Variants in USH2A observed in about 807,000 individuals in gnomAD.
The protein encoded by USH2A is usherin.
USH2A carries 443 observed loss-of-function variants against 538.9 expected under a neutral mutation model. The observed-to-expected ratio is 0.82, with a 90% CI of 0.76 to 0.89. USH2A has a LOEUF of 0.89. Among genes scored for constraint, USH2A ranks in the 40% least tolerant of loss-of-function variants. The pLI, the probability that USH2A is intolerant of heterozygous loss-of-function variation, is 0.00. For missense variants in USH2A, 6,633 were observed against 6,324.8 expected (o/e 1.05, Z -1.65); for synonymous variants, 2,413 against 2,273.5 (o/e 1.06, Z -1.75).
chr1:215,641,570 A>ATCT (rs1462699090), intron 67 of USH2A, among the ~76,000 whole-genome samples: 22 of 152,222 alleles, frequency 1.4e-4, no homozygotes, highest in Admixed American at 1.2e-3. Flanking sequence ...ATACCATGTC[A>ATCT]TCTTGTCAAG....
intron 3 of USH2A, among the ~76,000 whole-genome samples, chr1:216,410,676 T>A (rs1022178148): frequency 6.6e-6 from 1 of 152,122 alleles, no homozygotes; most frequent in Non-Finnish European, 1.5e-5. Flanking sequence ...GTGCTCCACA[T>A]CCAAAATCTG....
chr1:215,996,285 T>C (rs1340576133), intron 34 of USH2A, among the ~76,000 whole-genome samples: 1 of 152,046 alleles, frequency 6.6e-6, no homozygotes, highest in East Asian at 1.9e-4. Context: ...CAACATATTT[T>C]AAAGCACGAA....
chr1:215,836,553 A>T (rs1157649575), intron 47 of USH2A, among the ~76,000 whole-genome samples: 1 of 17,554 alleles, frequency 5.7e-5, no homozygotes, highest in African/African-American at 2.6e-4. Flanking sequence ...ATATATATAT[A>T]TATATATATA....
chr1:215,851,297 T>C (rs1409910637), intron 44 of USH2A, among the ~76,000 whole-genome samples: 4 of 151,990 alleles, frequency 2.6e-5, no homozygotes, highest in East Asian at 3.9e-4. Context: ...TGACAGACCA[T>C]GTAGGAAGAT....
At chr1:215,974,652 CT>C (rs1667580242) in intron 35 of USH2A, among the ~76,000 whole-genome samples, 1 of 152,156 alleles carries the variant, frequency 6.6e-6, no homozygotes, top group Non-Finnish European at 1.5e-5. Flanking sequence ...ATAGATGTTG[CT>C]GCAAAAGACA....
intron 34 of USH2A, among the ~76,000 whole-genome samples, chr1:215,996,757 C>T (rs961362762): frequency 3.3e-5 from 5 of 151,628 alleles, no homozygotes; most frequent in African/African-American, 1.2e-4. Flanking sequence ...TCCAATAGGC[C>T]CTGTGCTTGA....
chr1:216,191,276 T>C (rs1206231281), intron 19 of USH2A, among the ~76,000 whole-genome samples: 1 of 152,026 alleles, frequency 6.6e-6, no homozygotes, highest in Non-Finnish European at 1.5e-5. Context: ...CTTCCATAAA[T>C]ATAAATACAG....
chr1:216,085,036 T>A, intron 24 of USH2A, 159 bp from the exon 25 acceptor site: 1 of 678,972 alleles, frequency 1.5e-6, no homozygotes, highest in South Asian at 1.8e-5. Flanking sequence ...CACCATCAGC[T>A]ATAGTAAATG....
intron 30 of USH2A, among the ~76,000 whole-genome samples, chr1:216,055,788 G>T (rs2030956175): frequency 2.6e-5 from 4 of 152,162 alleles, no homozygotes; most frequent in Non-Finnish European, 5.9e-5. Context: ...AAGTCAATTT[G>T]CATTTTACCC....
intron 58 of USH2A, among the ~76,000 whole-genome samples, chr1:215,755,130 T>G (rs1660750375): frequency 6.6e-6 from 1 of 152,186 alleles, no homozygotes. Context: ...TGGTAGCACA[T>G]CAAAGTCATA....
chr1:216,384,759 G>A (rs2038977325), intron 3 of USH2A, among the ~76,000 whole-genome samples: 1 of 151,970 alleles, frequency 6.6e-6, no homozygotes, highest in Admixed American at 6.6e-5. Context: ...TAGGTGTCTG[G>A]TGGCAACAGA....
intron 60 of USH2A, among the ~76,000 whole-genome samples, chr1:215,732,223 C>T (rs889011673): frequency 6.6e-6 from 1 of 152,142 alleles, no homozygotes; most frequent in Non-Finnish European, 1.5e-5. Flanking sequence ...AAGGTTGAAT[C>T]GTCAAGTTTT....
chr1:215,873,740 T>A (rs1320925216), intron 43 of USH2A, among the ~76,000 whole-genome samples: 7 of 150,950 alleles, frequency 4.6e-5, no homozygotes, highest in African/African-American at 1.7e-4. Context: ...TTAATTTAAA[T>A]GTAATACAAT....
At chr1:215,644,218 G>C (rs1656777764) in intron 67 of USH2A, among the ~76,000 whole-genome samples, 1 of 152,222 alleles carries the variant, frequency 6.6e-6, no homozygotes, top group Non-Finnish European at 1.5e-5. Context: ...GATGAAAATG[G>C]AGAAAGTGAG....
chr1:215,875,957 T>C (rs1664756826), intron 43 of USH2A, among the ~76,000 whole-genome samples: 1 of 145,294 alleles, frequency 6.9e-6, no homozygotes, highest in African/African-American at 2.5e-5. Context: ...ATGTATATAA[T>C]ATATAAAAAT....
At chr1:215,721,328 G>A (rs1412859991) in intron 61 of USH2A, among the ~76,000 whole-genome samples, 1 of 152,106 alleles carries the variant, frequency 6.6e-6, no homozygotes, top group Non-Finnish European at 1.5e-5. Context: ...ACCCACCTCG[G>A]CCTCCCAAAG....
intron 4 of USH2A, among the ~76,000 whole-genome samples, chr1:216,350,697 G>A (rs1451534165): frequency 6.6e-6 from 1 of 152,086 alleles, no homozygotes; most frequent in Non-Finnish European, 1.5e-5. Context: ...ACTTTGCAGG[G>A]CTTAGCTCCA....
chr1:216,082,002 G>C (rs764152545), intron 26 of USH2A, among the ~76,000 whole-genome samples: 2 of 151,924 alleles, frequency 1.3e-5, no homozygotes, highest in Non-Finnish European at 2.9e-5. Flanking sequence ...GTGGAAGCAT[G>C]GCATAGTAGG....
intron 44 of USH2A, among the ~76,000 whole-genome samples, chr1:215,851,399 C>A (rs1314429254): frequency 3.9e-5 from 6 of 152,060 alleles, no homozygotes; most frequent in Non-Finnish European, 8.8e-5. Flanking sequence ...TACAAAAGAT[C>A]ATTCAAGGCT....
Sources: gnomAD v4.1 joint callset for allele counts (sites outside exome capture counted in the v4.1 genomes callset) on GRCh38, gnomAD v4.1.1 for gene constraint, MANE v1.5 for transcripts, NCBI Gene and HGNC (gene_info 2026-07-23, HGNC 2026-07-21) for gene names.